The following KYAT3 variants were observed in gnomAD, a reference collection of about 807,000 sequenced individuals.
The protein encoded by KYAT3 is kynurenine aminotransferase 3.
KYAT3 carries 50 observed loss-of-function variants against 59.0 expected under a neutral mutation model. The observed-to-expected ratio is 0.85, with a 90% CI of 0.68 to 1.07. KYAT3 has a LOEUF of 1.07. Among genes scored for constraint, KYAT3 ranks in the 50% least tolerant of loss-of-function variants. The pLI is 0.00. For missense variants in KYAT3, 497 were observed against 533.3 expected (o/e 0.93, Z 0.67); for synonymous variants, 148 against 177.0 (o/e 0.84, Z 1.30).
chr1:88,965,828 G>A (rs1458311180), intron 4 of KYAT3, among the ~76,000 whole-genome samples: 1 of 152,128 alleles, frequency 6.6e-6, no homozygotes, highest in Non-Finnish European at 1.5e-5. Flanking sequence ...ATGTACCTTT[G>A]TTTGAAAGCA....
intron 4 of KYAT3, among the ~76,000 whole-genome samples, chr1:88,965,283 GTAAT>G: frequency 6.6e-6 from 1 of 152,080 alleles, no homozygotes; most frequent in East Asian, 1.9e-4. Context: ...TTTTTTGACA[GTAAT>G]TAAATCATAT....
At chr1:88,924,347 G>A in the KYAT3 span, among the ~76,000 whole-genome samples, 1 of 152,220 alleles carries the variant, frequency 6.6e-6, no homozygotes, top group Non-Finnish European at 1.5e-5. Flanking sequence ...TCAGGCCAAT[G>A]CTGGGACTTA....
chr1:88,939,337 T>G (rs1238128958), intron 13 of KYAT3, among the ~76,000 whole-genome samples: 1 of 152,250 alleles, frequency 6.6e-6, no homozygotes, highest in Admixed American at 6.5e-5. Context: ...CTTTGATTTT[T>G]AGTCTTTCTA....
intron 13 of KYAT3, among the ~76,000 whole-genome samples, chr1:88,939,354 G>A (rs1675155004): frequency 6.6e-6 from 1 of 152,090 alleles, no homozygotes; most frequent in Non-Finnish European, 1.5e-5. Context: ...TCTAAGAGGT[G>A]GAGTTAGGTG....
upstream of KYAT3, chr1:88,992,666 G>C (rs1677887727): frequency 1.3e-5 from 2 of 152,904 alleles, no homozygotes; most frequent in Non-Finnish European, 1.5e-5. Flanking sequence ...TTCGGACGCG[G>C]GGGGCGGAGC....
chr1:88,955,606 G>A (rs1675880875), intron 8 of KYAT3, among the ~76,000 whole-genome samples: 1 of 152,188 alleles, frequency 6.6e-6, no homozygotes, highest in African/African-American at 2.4e-5. Context: ...GCCAGTGGCA[G>A]GGCTTAGGTT....
chr1:88,930,364 G>A, the KYAT3 span, among the ~76,000 whole-genome samples: 5,387 of 152,220 alleles, frequency 0.035, 237 homozygotes, highest in African/African-American at 0.11. Flanking sequence ...GTGCACTTGC[G>A]CAACTCTTAA....
chr1:88,955,083 C>G (rs1675852106), intron 9 of KYAT3, 66 bp downstream of exon 9: 1 of 1,084,482 alleles, frequency 9.2e-7, no homozygotes, highest in Admixed American at 1.8e-5. Context: ...AAAACACAAA[C>G]CACTCAACAA....
At chr1:88,924,668 G>A in the KYAT3 span, among the ~76,000 whole-genome samples, 6 of 152,152 alleles carry the variant, frequency 3.9e-5, no homozygotes, top group Admixed American at 1.3e-4. Flanking sequence ...GCTGTTTGCC[G>A]CCATCGCAGA....
At chr1:88,983,384 G>A in intron 2 of KYAT3, 1 of 1,614,210 alleles carries the variant, frequency 6.2e-7, no homozygotes, top group Non-Finnish European at 8.5e-7. Flanking sequence ...TCTTTTTACT[G>A]GGAGTGGTCC....
At chr1:88,947,282 T>C (rs1046486180) in intron 11 of KYAT3, among the ~76,000 whole-genome samples, 6 of 152,166 alleles carry the variant, frequency 3.9e-5, no homozygotes, top group Non-Finnish European at 8.8e-5. Flanking sequence ...GGGTAACACC[T>C]TGGGCCCCCA....
intron 2 of KYAT3, chr1:88,980,056 T>C (rs1236892246): frequency 6.6e-6 from 1 of 152,022 alleles, no homozygotes; most frequent in Non-Finnish European, 1.5e-5. Flanking sequence ...AAAGAAACCA[T>C]AAACAAAAAA....
chr1:88,961,585 A>C, intron 6 of KYAT3, 79 bp from the exon 7 acceptor site: 1 of 1,251,510 alleles, frequency 8.0e-7, no homozygotes, highest in Non-Finnish European at 1.1e-6. Flanking sequence ...CCTAATAAGG[A>C]AAAAAACATC....
intron 11 of KYAT3, among the ~76,000 whole-genome samples, chr1:88,947,251 G>A (rs1446272218): frequency 2.0e-5 from 3 of 152,158 alleles, no homozygotes; most frequent in African/African-American, 7.2e-5. Context: ...TCTGTTAGAA[G>A]TCTCTGCAGG....
intron 2 of KYAT3, among the ~76,000 whole-genome samples, chr1:88,984,891 A>G (rs886581459): frequency 6.6e-6 from 1 of 152,220 alleles, no homozygotes; most frequent in African/African-American, 2.4e-5. Context: ...TTTACTACAT[A>G]TGAATTTGTG....
downstream of KYAT3, among the ~76,000 whole-genome samples, chr1:88,931,422 T>G (rs377701374): frequency 6.6e-6 from 1 of 152,166 alleles, no homozygotes; most frequent in Admixed American, 6.5e-5. Context: ...TGCTAGCCCA[T>G]GCTCCAATGT....
At chr1:88,923,315 T>C in the KYAT3 span, 2 of 152,188 alleles carry the variant, frequency 1.3e-5, no homozygotes, top group African/African-American at 2.4e-5. Context: ...AGTTTAAAAA[T>C]TTCCTTGGTT....
chr1:88,986,181 GAA>G lies in KYAT3; in HGVS notation c.99+2069_99+2070del, dbSNP rs200114549. On this transcript the variant is annotated intron_variant, in intron 2 of 13. Coordinates refer to ENST00000260508, the MANE Select transcript of KYAT3 (RefSeq NM_001008661.3). ...GGGCGGCAAGAGTGAGAGACTGTATGAAAAAAAAAAAAGAGAGAGAGAGAGAG... is the reference window on the plus strand; with the variant it reads ...GGGCGGCAAGAGTGAGAGACTGTATGAAAAAAAAAAGAGAGAGAGAGAGAG... Among the ~76,000 whole-genome samples, 7 of 138,492 alleles carry G rather than the reference GAA, an allele frequency of 5.1e-5. No homozygotes were observed. In the South Asian group the frequency reaches 7.1e-4, roughly 14 times the overall value. 90.9% of individuals were successfully genotyped at this position (138,492 alleles called of 152,430 possible). A position where few individuals can be genotyped will look rare whatever the true frequency, so the allele number is the denominator to read the frequency against.
chr1:88,953,572 C>CT (rs1201438869), intron 9 of KYAT3, among the ~76,000 whole-genome samples: 1 of 148,816 alleles, frequency 6.7e-6, no homozygotes, highest in African/African-American at 2.5e-5. Context: ...AAAAAGTTCA[C>CT]ACTATGAAAG....
Sources: allele counts gnomAD v4.1 joint callset (sites outside exome capture counted in the v4.1 genomes callset), GRCh38; gene constraint gnomAD v4.1.1; transcripts MANE v1.5; gene names NCBI Gene and HGNC (gene_info 2026-07-23, HGNC 2026-07-21).